The following BACH2 variants were observed in gnomAD, a reference collection of about 807,000 sequenced individuals.
BACH2 encodes BACH transcriptional regulator 2.
BACH2 carries 5 observed loss-of-function variants against 61.8 expected under a neutral mutation model. The observed-to-expected ratio is 0.08, with a 90% CI of 0.04 to 0.17. The LOEUF (loss-of-function observed/expected upper bound fraction) is 0.17. Among genes scored for constraint, BACH2 ranks in the 10% least tolerant of loss-of-function variants. The pLI is 1.00. For missense variants in BACH2, 824 were observed against 1,091.1 expected, an observed-to-expected ratio of 0.76 and a Z score of 3.45; for synonymous variants, 446 against 440.1, an observed-to-expected ratio of 1.01 and a Z score of -0.17.
chr6:90,177,618 T>G (rs753352811), intron 4 of BACH2, among the ~76,000 whole-genome samples: 1 of 152,156 alleles, frequency 6.6e-6, no homozygotes, highest in African/African-American at 2.4e-5. Flanking sequence ...GATCGGATCG[T>G]ATGAAATCTC....
intron 4 of BACH2, among the ~76,000 whole-genome samples, chr6:90,155,011 C>T (rs1210793835): frequency 6.6e-6 from 1 of 152,182 alleles, no homozygotes; most frequent in Non-Finnish European, 1.5e-5. Flanking sequence ...AGAAGGGGCA[C>T]TGCAAAGGGA....
At chr6:89,995,130 T>C (rs1235069658) in intron 6 of BACH2, among the ~76,000 whole-genome samples, 4 of 152,220 alleles carry the variant, frequency 2.6e-5, no homozygotes, top group Non-Finnish European at 5.9e-5. Context: ...ATCTGGTTTT[T>C]AAAGCTCTTA....
At chr6:90,133,087 G>A (rs1410606695) in intron 4 of BACH2, among the ~76,000 whole-genome samples, 1 of 152,120 alleles carries the variant, frequency 6.6e-6, no homozygotes, top group Admixed American at 6.5e-5. Context: ...ATGCAAATTA[G>A]TTAATTTCTT....
chr6:90,002,352 C>A (rs1777177314), intron 6 of BACH2, among the ~76,000 whole-genome samples: 1 of 152,118 alleles, frequency 6.6e-6, no homozygotes, highest in African/African-American at 2.4e-5. Flanking sequence ...TTAGTATTCC[C>A]AATATTCTGG....
At chr6:90,097,106 T>G (rs911115695) in intron 4 of BACH2, among the ~76,000 whole-genome samples, 1 of 152,096 alleles carries the variant, frequency 6.6e-6, no homozygotes, top group Non-Finnish European at 1.5e-5. Context: ...CTGTCTGCCC[T>G]CTCTTCCCAG....
intron 4 of BACH2, among the ~76,000 whole-genome samples, chr6:90,096,265 TTCTC>T (rs1022673348): frequency 1.3e-5 from 2 of 152,180 alleles, no homozygotes; most frequent in Admixed American, 6.5e-5. Context: ...TGCCACCTGC[TTCTC>T]TCTCTGCCTA....
At chr6:90,150,936 C>T (rs1025652855) in intron 4 of BACH2, among the ~76,000 whole-genome samples, 7 of 152,176 alleles carry the variant, frequency 4.6e-5, no homozygotes, top group Non-Finnish European at 1.0e-4. Flanking sequence ...TCATGGCCAC[C>T]ACAGTCACTG....
chr6:90,245,470 C>T (rs1770602002), intron 3 of BACH2, among the ~76,000 whole-genome samples: 1 of 152,130 alleles, frequency 6.6e-6, no homozygotes, highest in Non-Finnish European at 1.5e-5. Context: ...TGGTGCGTGC[C>T]TGTAGTCCCA....
chr6:90,052,722 T>C (rs1204558387), intron 5 of BACH2, among the ~76,000 whole-genome samples: 1 of 152,204 alleles, frequency 6.6e-6, no homozygotes, highest in Non-Finnish European at 1.5e-5. Context: ...CACCCAGCCC[T>C]TAAAGTCTAT....
intron 5 of BACH2, among the ~76,000 whole-genome samples, chr6:90,078,025 A>C (rs976849366): frequency 2.0e-5 from 3 of 152,306 alleles, no homozygotes; most frequent in Non-Finnish European, 4.4e-5. Flanking sequence ...ATTAAACAGA[A>C]AATAACTTGC....
chr6:90,180,593 T>C (rs1293498579), intron 4 of BACH2, among the ~76,000 whole-genome samples: 1 of 152,146 alleles, frequency 6.6e-6, no homozygotes, highest in East Asian at 1.9e-4. Flanking sequence ...TGTGTACCCA[T>C]AGCTTAGCAC....
At chr6:90,179,080 T>C (rs143044682) in intron 4 of BACH2, among the ~76,000 whole-genome samples, 28 of 152,292 alleles carry the variant, frequency 1.8e-4, no homozygotes, top group African/African-American at 5.8e-4. Context: ...CCGAATCACA[T>C]TGCCAGTAAG....
At chr6:90,129,735 T>C (rs1254186678) in intron 4 of BACH2, among the ~76,000 whole-genome samples, 1 of 152,198 alleles carries the variant, frequency 6.6e-6, no homozygotes, top group Non-Finnish European at 1.5e-5. Context: ...CAATTGTGAA[T>C]GGGAGTTCAT....
intron 4 of BACH2, among the ~76,000 whole-genome samples, chr6:90,151,338 A>T (rs1784804384): frequency 6.6e-6 from 1 of 152,044 alleles, no homozygotes; most frequent in African/African-American, 2.4e-5. Context: ...AGGCTGGAAT[A>T]CAGTGGTACA....
chr6:89,954,273 T>C (rs556055623), intron 6 of BACH2, among the ~76,000 whole-genome samples: 2 of 151,838 alleles, frequency 1.3e-5, no homozygotes, highest in South Asian at 4.2e-4. Context: ...ATTTCAATGC[T>C]ATTTATACTG....
intron 5 of BACH2, among the ~76,000 whole-genome samples, chr6:90,053,531 G>T (rs1322295365): frequency 1.3e-5 from 2 of 152,172 alleles, no homozygotes; most frequent in Non-Finnish European, 2.9e-5. Context: ...TTCCTGGCTT[G>T]ACCTCCCAAA....
chr6:90,011,419 T>C lies in BACH2; in HGVS notation c.-12-2563A>G, dbSNP rs541695033. Among the ~76,000 whole-genome samples the C allele has an allele frequency of 1.3e-3, 192 of 152,076 alleles. 1 individual carries two copies. The highest frequency in any genetic ancestry group is 4.3e-3 in the African/African-American group (180 of 41,502). ...CTATTTTTATGTTTGTCTACTTTTG[T>C]TTTTTTTGGAGACAAACCTTGCTTA... On this transcript the variant is annotated intron_variant, in intron 5 of 8. Coordinates refer to ENST00000257749, the MANE Select transcript of BACH2 (RefSeq NM_021813.4).
At chr6:90,197,385 A>G (rs185468791) in intron 4 of BACH2, among the ~76,000 whole-genome samples, 10 of 152,362 alleles carry the variant, frequency 6.6e-5, no homozygotes, top group African/African-American at 2.4e-4. Context: ...TCAATTGTTA[A>G]TATTCTAGAG....
At chr6:90,217,487 A>G (rs1769578756) in intron 3 of BACH2, among the ~76,000 whole-genome samples, 1 of 152,240 alleles carries the variant, frequency 6.6e-6, no homozygotes, top group African/African-American at 2.4e-5. Context: ...AATGCATCAT[A>G]ACAAAGATAA....
Sources: gnomAD v4.1 joint callset for allele counts (sites outside exome capture counted in the v4.1 genomes callset) on GRCh38, gnomAD v4.1.1 for gene constraint, MANE v1.5 for transcripts, NCBI Gene and HGNC (gene_info 2026-07-23, HGNC 2026-07-21) for gene names.